Variants in PDE6A observed in about 807,000 individuals in gnomAD.
PDE6A encodes rod cGMP-specific 3',5'-cyclic phosphodiesterase subunit alpha.
A neutral mutation model predicts 106.3 loss-of-function variants in PDE6A; 84 were observed. The observed-to-expected ratio is 0.79, with a 90% CI of 0.66 to 0.95. The LOEUF is 0.95. Ranked by LOEUF, PDE6A falls within the 40% of genes least tolerant of loss-of-function variation. PDE6A has a pLI of 0.00. For missense variants in PDE6A, 1,052 were observed against 1,084.9 expected, an observed-to-expected ratio of 0.97 and a Z score of 0.43; for synonymous variants, 394 against 386.6, an observed-to-expected ratio of 1.02 and a Z score of -0.23.
chr5:149,876,531 T>C (rs965829785), intron 17 of PDE6A, among the ~76,000 whole-genome samples: 1 of 151,734 alleles, frequency 6.6e-6, no homozygotes, highest in Non-Finnish European at 1.5e-5. Flanking sequence ...CAGGACAGAG[T>C]CTTACTCTGT....
At chr5:149,883,305 T>C in intron 17 of PDE6A, 124 bp downstream of exon 17, 1 of 707,656 alleles carries the variant, frequency 1.4e-6, no homozygotes, top group Non-Finnish European at 2.6e-6. Context: ...ATTTTTTTCA[T>C]ATGTTGAAGG....
At chr5:149,903,978 T>G (rs1581187252) in intron 7 of PDE6A, among the ~76,000 whole-genome samples, 1 of 152,222 alleles carries the variant, frequency 6.6e-6, no homozygotes, top group African/African-American at 2.4e-5. Flanking sequence ...AGCTGGAGGG[T>G]ATCCCATTTT....
chr5:149,920,295 TG>T (rs915998521), intron 5 of PDE6A, among the ~76,000 whole-genome samples: 1 of 151,868 alleles, frequency 6.6e-6, no homozygotes, highest in Admixed American at 6.6e-5. Flanking sequence ...AAGAGAGTGG[TG>T]GGGGCCGGGC....
intron 1 of PDE6A, 54 bp downstream of exon 1, chr5:149,944,146 C>T: frequency 2.8e-6 from 4 of 1,453,920 alleles, no homozygotes; most frequent in Non-Finnish European, 3.9e-6. Flanking sequence ...ACCTGTACCC[C>T]AGAACTCCAT....
chr5:149,939,516 TAAC>T (rs1754271905), intron 1 of PDE6A, among the ~76,000 whole-genome samples: 1 of 152,130 alleles, frequency 6.6e-6, no homozygotes, highest in South Asian at 2.1e-4. Context: ...AATAGATCCT[TAAC>T]AACGACAACA....
chr5:149,921,752 T>A, intron 4 of PDE6A, 43 bp from the exon 5 acceptor site: 1 of 1,513,826 alleles, frequency 6.6e-7, no homozygotes, highest in Non-Finnish European at 9.2e-7. Context: ...TGAAAAGAGA[T>A]CAAGGAAAGG....
intron 3 of PDE6A, chr5:149,932,527 T>A (rs1417556779): frequency 7.3e-7 from 1 of 1,376,168 alleles, no homozygotes; most frequent in Non-Finnish European, 1.0e-6. Context: ...ATTATCACGC[T>A]AGCATTTGGA....
chr5:149,904,208 C>T (rs1364387175), intron 7 of PDE6A, among the ~76,000 whole-genome samples: 1 of 152,200 alleles, frequency 6.6e-6, no homozygotes, highest in Non-Finnish European at 1.5e-5. Flanking sequence ...GATCGTGCCA[C>T]TGCACTCCAG....
chr5:149,922,865 G>C (rs1246693949), intron 4 of PDE6A, among the ~76,000 whole-genome samples: 2 of 152,174 alleles, frequency 1.3e-5, no homozygotes, highest in Non-Finnish European at 2.9e-5. Context: ...GGCTATCTCT[G>C]TTCTTCCAGT....
chr5:149,921,787 A>G, intron 4 of PDE6A, 78 bp from the exon 5 acceptor site: 7 of 1,118,550 alleles, frequency 6.3e-6, no homozygotes, highest in Non-Finnish European at 9.5e-6. Flanking sequence ...CACCTCCATG[A>G]GTCAGCTAAC....
chr5:149,903,613 CA>C lies in PDE6A; in HGVS notation c.1113+34del, dbSNP rs1025920305. 3 of 1,569,438 alleles carry C rather than the reference CA, an allele frequency of 1.9e-6. No homozygotes were observed. The East Asian group carries it at 6.7e-5, about 35-fold the overall frequency. The stretch of plus-strand genomic sequence containing the variant: ...ATGCTCTTTGGGGAGGAAAAAAAAT[CA>C]TATGACTAAGACTGCAAATAAAAAA... On this transcript the variant is annotated intron_variant, in intron 8 of 21. Transcript: ENST00000255266.
intron 17 of PDE6A, among the ~76,000 whole-genome samples, chr5:149,876,261 T>G (rs1354448005): frequency 1.6e-5 from 2 of 128,636 alleles, no homozygotes; most frequent in East Asian, 4.2e-4. Context: ...ATAGGGTGGA[T>G]TTTTTAAAAA....
chr5:149,919,032 T>C (rs929802000), intron 5 of PDE6A, among the ~76,000 whole-genome samples: 1 of 152,100 alleles, frequency 6.6e-6, no homozygotes, highest in African/African-American at 2.4e-5. Context: ...GGAGATAAGT[T>C]TCTGCCTGCG....
chr5:149,898,634 T>G (rs1367124211), intron 9 of PDE6A, 128 bp from the exon 10 acceptor site: 9 of 883,434 alleles, frequency 1.0e-5, no homozygotes, highest in Non-Finnish European at 1.6e-5. Flanking sequence ...AGCTGTGTGC[T>G]GCCCACCTTG....
chr5:149,921,674 T>C lies in PDE6A; in HGVS notation c.894A>G (p.Glu298=). ...FFDVWPVLMG[E]VPPYSGPRTP... Reference sequence around the variant, plus strand: ...TCCTGGGACCAGAGTAAGGTGGAACTTCACCCATCAGAACCGGCCACACAT... The same window carrying C: ...TCCTGGGACCAGAGTAAGGTGGAACCTCACCCATCAGAACCGGCCACACAT... Residue 298 remains glutamate (E), a synonymous_variant, in exon 5 of 22, where the codon GAA becomes GAG. Coordinates refer to ENST00000255266, the MANE Select transcript of PDE6A (RefSeq NM_000440.3). The C allele has an allele frequency of 6.2e-7, 1 of 1,613,966 alleles. No homozygotes were observed. The highest frequency in any genetic ancestry group is 8.5e-7 in the Non-Finnish European group (1 of 1,179,920).
chr5:149,903,784 T>A (rs1753077468), intron 7 of PDE6A, 89 bp from the exon 8 acceptor site: 2 of 962,144 alleles, frequency 2.1e-6, no homozygotes, highest in Admixed American at 1.7e-5. Flanking sequence ...AGAAACACCA[T>A]GTTCTTGTCC....
At chr5:149,868,008 G>A (rs1463273056) in intron 18 of PDE6A, 87 bp downstream of exon 18, 1 of 1,346,282 alleles carries the variant, frequency 7.4e-7, no homozygotes, top group East Asian at 2.3e-5. Flanking sequence ...AGCTGGTTCT[G>A]GAGCTGGGCT....
At chr5:149,869,104 C>T (rs556461486) in intron 17 of PDE6A, among the ~76,000 whole-genome samples, 40 of 152,196 alleles carry the variant, frequency 2.6e-4, no homozygotes, top group South Asian at 1.0e-3. Context: ...CTGAGGTGGG[C>T]GGATCACTTG....
At chr5:149,924,452 A>AG (rs557284769) in intron 4 of PDE6A, among the ~76,000 whole-genome samples, 1 of 149,190 alleles carries the variant, frequency 6.7e-6, no homozygotes, top group African/African-American at 2.4e-5. Flanking sequence ...TAGAAATAGA[A>AG]ATATATATAT....
Sources: gnomAD v4.1 joint callset for allele counts (sites outside exome capture counted in the v4.1 genomes callset) on GRCh38, gnomAD v4.1.1 for gene constraint, MANE v1.5 for transcripts, NCBI Gene and HGNC (gene_info 2026-07-23, HGNC 2026-07-21) for gene names.